DPY19L1: variants seen among roughly 807,000 people sequenced by gnomAD.
DPY19L1 encodes protein C-mannosyl-transferase DPY19L1.
DPY19L1 carries 35 observed loss-of-function variants against 96.9 expected under a neutral mutation model. That is an observed-to-expected ratio of 0.36 (90% CI 0.28 to 0.48). The LOEUF (loss-of-function observed/expected upper bound fraction) is 0.48. DPY19L1 is among the 20% of genes least tolerant of loss of function. The pLI is 0.99. For missense variants in DPY19L1, 521 were observed against 777.9 expected (o/e 0.67, Z 3.93); for synonymous variants, 205 against 252.6 (o/e 0.81, Z 1.79).
chr7:34,947,509 A>G, intron 15 of DPY19L1, 121 bp downstream of exon 15: 1 of 703,884 alleles, frequency 1.4e-6, no homozygotes, highest in Non-Finnish European at 2.4e-6. Context: ...AACATAGAAT[A>G]TGTTACAGTA....
chr7:34,995,923 G>C (rs868252478), intron 6 of DPY19L1, among the ~76,000 whole-genome samples: 38 of 141,180 alleles, frequency 2.7e-4, no homozygotes, highest in African/African-American at 9.7e-4. Context: ...CGGTGGGGGG[G>C]GCGGTGGGGG....
At chr7:35,031,440 C>T (rs1475450509) in intron 1 of DPY19L1, among the ~76,000 whole-genome samples, 1 of 152,104 alleles carries the variant, frequency 6.6e-6, no homozygotes, top group Non-Finnish European at 1.5e-5. Context: ...GGAGGGAGGT[C>T]CTTGAACCAA....
chr7:34,968,486 A>T (rs1294378816), intron 9 of DPY19L1, among the ~76,000 whole-genome samples: 2 of 152,200 alleles, frequency 1.3e-5, no homozygotes, highest in Non-Finnish European at 2.9e-5. Flanking sequence ...AATATTAAAA[A>T]GCAGCCAGGC....
chr7:34,972,643 A>G (rs1637685), intron 8 of DPY19L1, among the ~76,000 whole-genome samples: 70,961 of 151,966 alleles, frequency 0.47, 17,081 homozygotes, highest in Admixed American at 0.61. Flanking sequence ...AGAAGGGACC[A>G]TTGCTCAAGA....
chr7:34,969,787 T>C (rs1206228460), intron 8 of DPY19L1, among the ~76,000 whole-genome samples: 1 of 152,210 alleles, frequency 6.6e-6, no homozygotes, highest in African/African-American at 2.4e-5. Flanking sequence ...GAACATTTTT[T>C]TCAAATTATA....
intron 3 of DPY19L1, among the ~76,000 whole-genome samples, chr7:35,014,677 T>C (rs1785800264): frequency 6.6e-6 from 1 of 152,204 alleles, no homozygotes. Context: ...TAAAATTATG[T>C]TTCCTTGTGT....
chr7:34,997,916 G>A (rs2023144), intron 6 of DPY19L1, among the ~76,000 whole-genome samples: 30,571 of 151,968 alleles, frequency 0.2, 3,417 homozygotes, highest in Admixed American at 0.36. Flanking sequence ...GTTGGATCAC[G>A]GGAAGAGAAG....
At chr7:34,960,314 C>T (rs2128787753) in intron 10 of DPY19L1, among the ~76,000 whole-genome samples, 1 of 152,038 alleles carries the variant, frequency 6.6e-6, no homozygotes, top group South Asian at 2.1e-4. Context: ...ATGTTCCTTC[C>T]ATTTCTTTAA....
intron 8 of DPY19L1, among the ~76,000 whole-genome samples, chr7:34,972,200 T>A (rs2128668359): frequency 6.6e-6 from 1 of 152,260 alleles, no homozygotes; most frequent in Non-Finnish European, 1.5e-5. Flanking sequence ...TTCTCTCCCC[T>A]CCCACTCTGT....
chr7:34,935,811 T>C (rs1783856752), intron 21 of DPY19L1, among the ~76,000 whole-genome samples: 1 of 152,208 alleles, frequency 6.6e-6, no homozygotes, highest in South Asian at 2.1e-4. Flanking sequence ...AAACACTAGA[T>C]AAATATTAGT....
rs1219783287 is a variant in DPY19L1, at chr7:34,938,041, T to G, written c.2043A>C (p.Lys681Asn). ...ACTCTTCTAGAATGTAATAGTTCAC[T>G]TTTAACTTTATCAGTTCTCGCTTCA... ...EEVKRELIKLKVNYYILEESW... is the reference protein window; with the variant it reads ...EEVKRELIKLNVNYYILEESW... The change falls in exon 21 of 22, where the codon AAA becomes AAC. Residue 681 changes from lysine to asparagine, a missense_variant. By Grantham distance (94) the Lys-to-Asn change is moderately conservative. Transcript: ENST00000638088. 1 of 1,613,998 alleles carries G rather than the reference T, an allele frequency of 6.2e-7. No homozygotes were observed. The highest frequency in any genetic ancestry group is 1.1e-5 in the South Asian group (1 of 91,072).
At chr7:34,948,504 A>G (rs1030324715) in intron 14 of DPY19L1, among the ~76,000 whole-genome samples, 1 of 152,178 alleles carries the variant, frequency 6.6e-6, no homozygotes. Context: ...ATGAATTAAG[A>G]TACTTACAGT....
intron 1 of DPY19L1, among the ~76,000 whole-genome samples, chr7:35,035,216 T>C (rs796669164): frequency 2.0e-4 from 30 of 152,354 alleles, no homozygotes; most frequent in African/African-American, 7.2e-4. Flanking sequence ...ATATATCTGA[T>C]GGCCATGGTC....
At chr7:34,986,410 T>C (rs1225423260) in intron 7 of DPY19L1, among the ~76,000 whole-genome samples, 2 of 152,100 alleles carry the variant, frequency 1.3e-5, no homozygotes, top group African/African-American at 4.8e-5. Context: ...ACCCCACTAA[T>C]ATCTACAATT....
chr7:34,990,783 C>T (rs1785150299), intron 6 of DPY19L1, among the ~76,000 whole-genome samples: 1 of 152,178 alleles, frequency 6.6e-6, no homozygotes. Flanking sequence ...CATTTTAGCT[C>T]ATGCTGCTTT....
intron 1 of DPY19L1, among the ~76,000 whole-genome samples, chr7:35,029,920 T>A (rs930029754): frequency 6.6e-6 from 1 of 152,206 alleles, no homozygotes; most frequent in African/African-American, 2.4e-5. Context: ...AATCCCAAAC[T>A]TCACCTGCTG....
At chr7:34,990,642 T>C (rs753204981) in intron 6 of DPY19L1, among the ~76,000 whole-genome samples, 7 of 152,250 alleles carry the variant, frequency 4.6e-5, no homozygotes, top group Non-Finnish European at 7.3e-5. Context: ...GTTCTAACAA[T>C]TAACCTTCAT....
intron 7 of DPY19L1, among the ~76,000 whole-genome samples, chr7:34,987,705 T>A (rs1197609721): frequency 6.6e-6 from 1 of 152,008 alleles, no homozygotes; most frequent in Non-Finnish European, 1.5e-5. Context: ...ACTAAATACA[T>A]AAATAGGTAC....
chr7:34,932,507 T>C (rs751943250), intron 21 of DPY19L1, among the ~76,000 whole-genome samples: 9 of 152,216 alleles, frequency 5.9e-5, no homozygotes, highest in Admixed American at 2.0e-4. Flanking sequence ...TTCTACTGAA[T>C]GCATATGGCT....
Sources: gnomAD v4.1 joint callset for allele counts (sites outside exome capture counted in the v4.1 genomes callset) on GRCh38, gnomAD v4.1.1 for gene constraint, MANE v1.5 for transcripts, NCBI Gene and HGNC (gene_info 2026-07-23, HGNC 2026-07-21) for gene names.